The following ADAMTS16 variants were observed in gnomAD, a reference collection of about 807,000 sequenced individuals.
The protein encoded by ADAMTS16 is A disintegrin and metalloproteinase with thrombospondin motifs 16.
ADAMTS16 carries 94 observed loss-of-function variants against 145.8 expected under a neutral mutation model. The observed-to-expected ratio is 0.64, with a 90% CI of 0.55 to 0.77. The LOEUF (loss-of-function observed/expected upper bound fraction) is 0.77, where lower values mean the gene tolerates loss of function less well. Ranked by LOEUF, ADAMTS16 falls within the 30% of genes least tolerant of loss-of-function variation. ADAMTS16 has a pLI of 0.00. For missense variants in ADAMTS16, 1,585 were observed against 1,591.5 expected, an observed-to-expected ratio of 1.00 and a Z score of 0.07; for synonymous variants, 659 against 604.3, an observed-to-expected ratio of 1.09 and a Z score of -1.33.
At chr5:5,157,424 T>C (rs1225183159) in intron 3 of ADAMTS16, among the ~76,000 whole-genome samples, 5 of 151,994 alleles carry the variant, frequency 3.3e-5, no homozygotes, top group South Asian at 2.1e-4. Flanking sequence ...AAAAAAATCA[T>C]ATGCTGATCA....
In ADAMTS16 at chr5:5,306,547, A is replaced by C; in HGVS notation, c.3230A>C (p.Lys1077Thr). The C allele has an allele frequency of 9.3e-6, 15 of 1,614,178 alleles. No homozygotes were observed. The highest frequency in any genetic ancestry group is 1.2e-5 in the Non-Finnish European group (14 of 1,180,002). ...AGAGGAACACAGAAAAGATTCTTAA[A>C]ATGTGCTGAAAAGTATGTTTCTGGA... The part of the protein sequence containing the change: ...CERGTQKRFL[K>T]CAEKYVSGKY... Residue 1077 changes from lysine (K) to threonine (T), a missense_variant, in exon 21 of 23, where the codon AAA (lysine) becomes ACA (threonine). Coordinates refer to ENST00000274181, the MANE Select transcript of ADAMTS16 (RefSeq NM_139056.4).
chr5:5,278,789 TTC>T (rs1738790907), intron 18 of ADAMTS16, among the ~76,000 whole-genome samples: 1 of 152,180 alleles, frequency 6.6e-6, no homozygotes, highest in Non-Finnish European at 1.5e-5. Flanking sequence ...TTATGTTTAT[TTC>T]TCTTTTTGTT....
chr5:5,248,367 G>A (rs1044360805), intron 17 of ADAMTS16, among the ~76,000 whole-genome samples: 1 of 152,204 alleles, frequency 6.6e-6, no homozygotes, highest in African/African-American at 2.4e-5. Context: ...GATGAAAGCA[G>A]CGCCCAAGCA....
At chr5:5,259,983 C>A (rs181047638) in intron 17 of ADAMTS16, among the ~76,000 whole-genome samples, 202 of 152,350 alleles carry the variant, frequency 1.3e-3, no homozygotes, top group African/African-American at 4.5e-3. Flanking sequence ...AGGCCAATCC[C>A]AAATCCATCT....
intron 3 of ADAMTS16, among the ~76,000 whole-genome samples, chr5:5,150,949 T>C (rs1464796832): frequency 6.6e-6 from 1 of 152,234 alleles, no homozygotes. Flanking sequence ...ATTATGCATA[T>C]GTTGATATGT....
chr5:5,166,215 T>C (rs1176380032), intron 3 of ADAMTS16, among the ~76,000 whole-genome samples: 3 of 151,534 alleles, frequency 2.0e-5, no homozygotes, highest in African/African-American at 4.9e-5. Flanking sequence ...GGACATACAG[T>C]TACTCTCTCC....
intron 18 of ADAMTS16, among the ~76,000 whole-genome samples, chr5:5,275,314 T>C (rs1402869220): frequency 6.6e-6 from 1 of 152,224 alleles, no homozygotes; most frequent in Admixed American, 6.5e-5. Flanking sequence ...AAGGAAGTTT[T>C]AAAGTTATCT....
At chr5:5,290,861 G>A (rs1169138669) in intron 18 of ADAMTS16, among the ~76,000 whole-genome samples, 1 of 152,126 alleles carries the variant, frequency 6.6e-6, no homozygotes, top group African/African-American at 2.4e-5. Context: ...TCTTCCCGCT[G>A]TGACCATTTG....
intron 17 of ADAMTS16, among the ~76,000 whole-genome samples, chr5:5,246,809 G>C (rs962842593): frequency 6.6e-6 from 1 of 152,166 alleles, no homozygotes; most frequent in Non-Finnish European, 1.5e-5. Context: ...GCTGAGTTCG[G>C]AGTGTATAAG....
chr5:5,168,331 T>C (rs55766030), intron 3 of ADAMTS16, among the ~76,000 whole-genome samples: 7,063 of 148,178 alleles, frequency 0.048, 294 homozygotes, highest in East Asian at 0.18. Context: ...TTTACTCTTT[T>C]ACGTCTTTAT....
At chr5:5,316,084 A>T (rs559078833) in intron 21 of ADAMTS16, among the ~76,000 whole-genome samples, 3 of 152,334 alleles carry the variant, frequency 2.0e-5, no homozygotes, top group Non-Finnish European at 2.9e-5. Context: ...CAGCGATTTA[A>T]GTCACTTCGT....
At chr5:5,195,695 T>C (rs996096654) in intron 8 of ADAMTS16, among the ~76,000 whole-genome samples, 2 of 152,208 alleles carry the variant, frequency 1.3e-5, no homozygotes, top group African/African-American at 2.4e-5. Context: ...TGTGCAGAAG[T>C]ATTCATTATT....
chr5:5,241,454 C>T (rs1481576700), intron 16 of ADAMTS16, among the ~76,000 whole-genome samples: 4 of 152,178 alleles, frequency 2.6e-5, no homozygotes, highest in African/African-American at 7.2e-5. Flanking sequence ...GCAAAAGTCC[C>T]CTTCATCTCT....
chr5:5,146,116 T>A lies in ADAMTS16; in HGVS notation c.176-14T>A. 2 of 1,606,982 alleles carry A rather than the reference T, an allele frequency of 1.2e-6. No individual in the cohort carries two copies. The highest frequency in any genetic ancestry group is 1.1e-5 in the South Asian group (1 of 90,928). ...CCGAAATGACTCAGCCTCTGCTCAC[T>A]CTTTTGATTTCAGAATATGACCTGG... On this transcript the variant is annotated splice_polypyrimidine_tract_variant and intron_variant, in intron 2 of 22. Transcript: ENST00000274181.
At chr5:5,170,962 A>C (rs1021462153) in intron 3 of ADAMTS16, among the ~76,000 whole-genome samples, 4 of 152,136 alleles carry the variant, frequency 2.6e-5, no homozygotes, top group African/African-American at 9.7e-5. Flanking sequence ...GAGTTTTTCT[A>C]ATGTTTTAAT....
In ADAMTS16 at chr5:5,183,059, T is replaced by A. The variant is rs115472161; in HGVS notation, c.763+754T>A. On this transcript the variant is annotated intron_variant, in intron 4 of 22. Transcript: ENST00000274181. ...GTTGCAAGTACTTAGTGAATCTCGT[T>A]GAATGAGTGAACGAACAAAAATCTC... Among the ~76,000 whole-genome samples, 455 of 152,300 alleles carry A rather than the reference T, an allele frequency of 3.0e-3. 5 individuals are homozygous for A. The highest frequency in any genetic ancestry group is 0.01 in the African/African-American group (424 of 41,574).
intron 11 of ADAMTS16, among the ~76,000 whole-genome samples, chr5:5,225,340 G>A (rs988876252): frequency 1.4e-4 from 21 of 152,122 alleles, no homozygotes; most frequent in Non-Finnish European, 2.1e-4. Flanking sequence ...AGTGGCTCAC[G>A]ACTGTAATCT....
At chr5:5,247,516 A>G (rs1430978273) in intron 17 of ADAMTS16, among the ~76,000 whole-genome samples, 1 of 152,136 alleles carries the variant, frequency 6.6e-6, no homozygotes, top group Non-Finnish European at 1.5e-5. Context: ...AAAACAAGGA[A>G]GCCCACATCT....
intron 9 of ADAMTS16, among the ~76,000 whole-genome samples, chr5:5,201,254 G>A (rs1735946251): frequency 6.6e-6 from 1 of 152,052 alleles, no homozygotes; most frequent in African/African-American, 2.4e-5. Context: ...GAAGTGCAAG[G>A]GGCATTGAGA....
Sources: allele counts gnomAD v4.1 joint callset (sites outside exome capture counted in the v4.1 genomes callset), GRCh38; gene constraint gnomAD v4.1.1; transcripts MANE v1.5; gene names NCBI Gene and HGNC (gene_info 2026-07-23, HGNC 2026-07-21).